Variants in SPAG16 observed in about 807,000 individuals in gnomAD.
SPAG16 encodes sperm associated antigen 16.
In SPAG16, 86 loss-of-function variants were observed where a neutral mutation model predicts 80.4. That is an observed-to-expected ratio of 1.07 (90% CI 0.90 to 1.28). The LOEUF is 1.28. Among genes scored for constraint, SPAG16 ranks in the 50% most tolerant of loss-of-function variants. SPAG16 has a pLI of 0.00. For missense variants in SPAG16, 870 were observed against 765.3 expected (o/e 1.14, Z -1.61); for synonymous variants, 294 against 265.9 (o/e 1.11, Z -1.03).
intron 10 of SPAG16, among the ~76,000 whole-genome samples, chr2:213,586,717 C>T (rs1429700139): frequency 6.6e-6 from 1 of 152,190 alleles, no homozygotes; most frequent in East Asian, 1.9e-4. Flanking sequence ...AATTTCTCTC[C>T]ACCTGTGAAT....
At chr2:213,962,545 A>G (rs1438809809) in intron 12 of SPAG16, among the ~76,000 whole-genome samples, 1 of 152,128 alleles carries the variant, frequency 6.6e-6, no homozygotes, top group East Asian at 1.9e-4. Context: ...ACAGAGAAAA[A>G]CCTGTGTGAG....
At chr2:213,460,500 G>A (rs1243762979) in intron 9 of SPAG16, among the ~76,000 whole-genome samples, 3 of 152,114 alleles carry the variant, frequency 2.0e-5, no homozygotes, top group African/African-American at 7.2e-5. Context: ...ATGTTGCAGG[G>A]AACCTCAATC....
At chr2:214,336,377 T>G (rs556542901) in intron 15 of SPAG16, among the ~76,000 whole-genome samples, 56 of 152,190 alleles carry the variant, frequency 3.7e-4, no homozygotes, top group African/African-American at 1.3e-3. Context: ...CTGGACACTC[T>G]GGAGTTAAAA....
chr2:213,688,864 CATTTT>C (rs1402621885), intron 10 of SPAG16, among the ~76,000 whole-genome samples: 1 of 152,158 alleles, frequency 6.6e-6, no homozygotes, highest in African/African-American at 2.4e-5. Context: ...TATCACCAGA[CATTTT>C]ATTTGATCCT....
chr2:213,747,811 A>C (rs1310528078), intron 10 of SPAG16, among the ~76,000 whole-genome samples: 5 of 152,206 alleles, frequency 3.3e-5, no homozygotes, highest in Non-Finnish European at 7.4e-5. Flanking sequence ...TTTAAGGGAT[A>C]CATGACTATG....
intron 15 of SPAG16, among the ~76,000 whole-genome samples, chr2:214,312,293 C>G (rs1269575543): frequency 6.6e-6 from 1 of 152,210 alleles, no homozygotes; most frequent in East Asian, 1.9e-4. Context: ...TGTATTATCT[C>G]TCAGTTTATG....
chr2:214,386,526 T>TAACA (rs1457627153), intron 15 of SPAG16, among the ~76,000 whole-genome samples: 6 of 152,170 alleles, frequency 3.9e-5, no homozygotes, highest in African/African-American at 1.4e-4. Context: ...AATGTTGTTC[T>TAACA]AACAAGGACC....
chr2:213,725,129 C>T (rs2066708092), intron 10 of SPAG16, among the ~76,000 whole-genome samples: 1 of 151,868 alleles, frequency 6.6e-6, no homozygotes, highest in Admixed American at 6.6e-5. Flanking sequence ...ACTCCCTGAG[C>T]TCAGGTGATA....
At chr2:213,303,537 TCC>T (rs1032061433) in intron 3 of SPAG16, among the ~76,000 whole-genome samples, 2 of 151,950 alleles carry the variant, frequency 1.3e-5, no homozygotes, top group African/African-American at 4.8e-5. Context: ...CCCTCTCCCC[TCC>T]CCAGCCTCTG....
At chr2:214,318,668 G>A (rs931230408) in intron 15 of SPAG16, among the ~76,000 whole-genome samples, 6 of 152,018 alleles carry the variant, frequency 3.9e-5, no homozygotes, top group African/African-American at 7.2e-5. Flanking sequence ...GAGCCACCGC[G>A]CCCAGCCCAG....
chr2:213,997,943 T>C (rs554513102), intron 12 of SPAG16, among the ~76,000 whole-genome samples: 5 of 152,300 alleles, frequency 3.3e-5, no homozygotes, highest in South Asian at 4.1e-4. Flanking sequence ...TTAATACTCT[T>C]AAGGAGCTTA....
At chr2:213,804,652 C>T (rs2071638866) in intron 10 of SPAG16, among the ~76,000 whole-genome samples, 1 of 152,162 alleles carries the variant, frequency 6.6e-6, no homozygotes, top group Non-Finnish European at 1.5e-5. Context: ...CACTGCAGTC[C>T]AGCTTGGGCG....
chr2:213,460,379 G>A (rs892811907), intron 9 of SPAG16, among the ~76,000 whole-genome samples: 1 of 152,186 alleles, frequency 6.6e-6, no homozygotes, highest in African/African-American at 2.4e-5. Flanking sequence ...TAATGCCACT[G>A]TATCAAGATA....
At chr2:213,792,411 C>T (rs1338749935) in intron 10 of SPAG16, among the ~76,000 whole-genome samples, 2 of 152,064 alleles carry the variant, frequency 1.3e-5, no homozygotes, top group African/African-American at 4.8e-5. Context: ...TTTCAACTTA[C>T]ATTTGCCTCA....
At chr2:214,243,403 C>A (rs962628577) in intron 15 of SPAG16, among the ~76,000 whole-genome samples, 1 of 152,042 alleles carries the variant, frequency 6.6e-6, no homozygotes. Flanking sequence ...AAACCTCTCT[C>A]TCTGAGTCAG....
chr2:213,454,860 G>A (rs907629231), intron 9 of SPAG16, among the ~76,000 whole-genome samples: 1 of 152,158 alleles, frequency 6.6e-6, no homozygotes, highest in Non-Finnish European at 1.5e-5. Context: ...ATGAAATTTT[G>A]TAATACAAGC....
intron 15 of SPAG16, among the ~76,000 whole-genome samples, chr2:214,364,961 G>T (rs1355723953): frequency 6.6e-6 from 1 of 152,120 alleles, no homozygotes; most frequent in Non-Finnish European, 1.5e-5. Context: ...GCCTGCAAAG[G>T]CTATTGGAAA....
intron 10 of SPAG16, among the ~76,000 whole-genome samples, chr2:213,690,276 T>A (rs975420828): frequency 1.3e-5 from 2 of 152,188 alleles, no homozygotes; most frequent in Admixed American, 1.3e-4. Context: ...AGACAGATAT[T>A]TATTTCTAAC....
At chr2:214,374,817 C>T (rs1286387362) in intron 15 of SPAG16, among the ~76,000 whole-genome samples, 1 of 152,138 alleles carries the variant, frequency 6.6e-6, no homozygotes, top group African/African-American at 2.4e-5. Flanking sequence ...AATCATTTAG[C>T]TCATTAGATG....
Sources: allele counts gnomAD v4.1 joint callset (sites outside exome capture counted in the v4.1 genomes callset), GRCh38; gene constraint gnomAD v4.1.1; transcripts MANE v1.5; gene names NCBI Gene and HGNC (gene_info 2026-07-23, HGNC 2026-07-21).